CYP2J2: variants seen among roughly 807,000 people sequenced by gnomAD.
The protein encoded by CYP2J2 is cytochrome P450 family 2 subfamily J member 2, also known as cytochrome P450 2J2.
CYP2J2 carries 41 observed loss-of-function variants against 48.8 expected under a neutral mutation model. The observed-to-expected ratio is 0.84, with a 90% confidence interval of 0.66 to 1.09. The LOEUF (loss-of-function observed/expected upper bound fraction) is 1.09. Among genes scored for constraint, CYP2J2 ranks in the 50% least tolerant of loss-of-function variants. CYP2J2 has a pLI of 0.00. For synonymous variants in CYP2J2, 221 were observed against 227.1 expected (o/e 0.97, Z 0.24); for missense variants, 644 against 617.3 (o/e 1.04, Z -0.46).
At chr1:59,900,387 C>A (rs994451575) in intron 8 of CYP2J2, among the ~76,000 whole-genome samples, 3 of 152,208 alleles carry the variant, frequency 2.0e-5, no homozygotes, top group African/African-American at 7.2e-5. Flanking sequence ...AGCACTTTGG[C>A]TTTGGGAGGC....
the CYP2J2 span, among the ~76,000 whole-genome samples, chr1:59,942,103 T>G: frequency 6.6e-6 from 1 of 152,170 alleles, no homozygotes; most frequent in Non-Finnish European, 1.5e-5. Context: ...CCACATTTTT[T>G]GTGAAACTTA....
intron 7 of CYP2J2, chr1:59,904,628 C>T (rs1306048095): frequency 4.4e-6 from 2 of 452,146 alleles, no homozygotes; most frequent in South Asian, 2.8e-5. Flanking sequence ...CTGAGAGGCC[C>T]CACAGGAAAG....
At chr1:59,957,966 C>T in the CYP2J2 span, among the ~76,000 whole-genome samples, 1 of 152,154 alleles carries the variant, frequency 6.6e-6, no homozygotes, top group Admixed American at 6.5e-5. Context: ...TGAATACTGT[C>T]TTGGCACACT....
intron 1 of CYP2J2, among the ~76,000 whole-genome samples, chr1:59,925,766 C>A (rs546807653): frequency 7.9e-5 from 12 of 152,238 alleles, no homozygotes; most frequent in African/African-American, 2.6e-4. Context: ...TGTTATGTAC[C>A]AACTATATGT....
chr1:59,917,549 T>C (rs1053161943), intron 1 of CYP2J2, among the ~76,000 whole-genome samples: 2 of 152,142 alleles, frequency 1.3e-5, no homozygotes, highest in South Asian at 2.1e-4. Flanking sequence ...GAGCCCAAGA[T>C]GGCTCCAGAA....
intron 8 of CYP2J2, 85 bp from the exon 9 acceptor site, chr1:59,893,914 A>G (rs1475994555): frequency 2.2e-6 from 3 of 1,358,674 alleles, no homozygotes; most frequent in South Asian, 1.6e-5. Flanking sequence ...CATATCCCCA[A>G]AAAAATGGAG....
the CYP2J2 span, among the ~76,000 whole-genome samples, chr1:59,945,434 CTA>C: frequency 2.1e-5 from 3 of 143,528 alleles, no homozygotes; most frequent in Admixed American, 6.9e-5. Flanking sequence ...ATCTATCTAT[CTA>C]TCTATCTCTC....
At chr1:59,930,916 A>C (rs930129786), upstream of CYP2J2, among the ~76,000 whole-genome samples, 1 of 152,184 alleles carries the variant, frequency 6.6e-6, no homozygotes, top group East Asian at 1.9e-4. Flanking sequence ...CAATCATAAA[A>C]GATGGCATAA....
intron 1 of CYP2J2, among the ~76,000 whole-genome samples, chr1:59,919,230 T>A (rs1191599630): frequency 6.6e-6 from 1 of 152,246 alleles, no homozygotes; most frequent in East Asian, 1.9e-4. Flanking sequence ...TGTCCCTCAA[T>A]CTGGATGTTG....
chr1:59,911,528 A>T (rs1442164256), intron 4 of CYP2J2, 80 bp downstream of exon 4: 1 of 1,095,274 alleles, frequency 9.1e-7, no homozygotes, highest in Non-Finnish European at 1.3e-6. Context: ...AACCCAAAAA[A>T]AACTAAAAGG....
At chr1:59,916,304 A>T (rs1644465529) in intron 1 of CYP2J2, among the ~76,000 whole-genome samples, 1 of 152,088 alleles carries the variant, frequency 6.6e-6, no homozygotes, top group East Asian at 1.9e-4. Flanking sequence ...TTCTCTCAAC[A>T]AGGCTCAGAT....
chr1:59,909,800 A>T lies in CYP2J2; in HGVS notation c.845T>A (p.Leu282His). The change falls in exon 5 of 9, where the codon CTT becomes CAT. Residue 282 changes from leucine to histidine, a missense_variant. Coordinates refer to ENST00000371204, the MANE Select transcript of CYP2J2 (RefSeq NM_000775.4). ...TTTTCTCACCTTTGACATTTCTTTA[A>T]GGTAAGCATCAATAAAGTCTCTTGT... ...AETRDFIDAY[L>H]KEMSKHTGNP... 6.3e-7 allele frequency: 1 copy of T among 1,584,084 alleles called. No homozygotes were observed. The highest frequency in any genetic ancestry group is 8.5e-7 in the Non-Finnish European group (1 of 1,170,822).
At chr1:59,960,296 C>G in the CYP2J2 span, among the ~76,000 whole-genome samples, 1 of 152,106 alleles carries the variant, frequency 6.6e-6, no homozygotes, top group Non-Finnish European at 1.5e-5. Flanking sequence ...GGAATAAGAC[C>G]AATGCTATAG....
rs774953352 is a variant in CYP2J2, at chr1:59,905,023, G to A, written c.1039C>T (p.Gln347Ter). 1.9e-6 allele frequency: 3 copies of A among 1,613,678 alleles called. No individual in the cohort carries two copies. The highest frequency in any genetic ancestry group is 2.2e-5 in the East Asian group (1 of 44,838). ...VQAEIDRVIG[Q>*]GQQPSTAARE... The stretch of plus-strand genomic sequence containing the variant: ...GCGGCTGTGCTCGGCTGCTGCCCCT[G>A]GCCAATCACTCTGTCAATCTCAGCT... Residue 347 changes from glutamine (Q) to a stop codon, truncating the protein, a stop_gained, in exon 7 of 9, where the codon CAG becomes TAG. Transcript: ENST00000371204. LOFTEE classifies it high-confidence loss of function.
intron 7 of CYP2J2, among the ~76,000 whole-genome samples, chr1:59,902,896 A>G (rs1236675744): frequency 2.0e-5 from 3 of 152,174 alleles, no homozygotes; most frequent in Non-Finnish European, 4.4e-5. Flanking sequence ...GAGGAGGCAG[A>G]GCCATGATTT....
At chr1:59,906,500 A>T (rs1243534625) in intron 6 of CYP2J2, among the ~76,000 whole-genome samples, 1 of 151,952 alleles carries the variant, frequency 6.6e-6, no homozygotes, top group Non-Finnish European at 1.5e-5. Flanking sequence ...TTTGTAAAAC[A>T]TCTTATTTGG....
chr1:59,934,985 A>T, the CYP2J2 span, among the ~76,000 whole-genome samples: 2 of 94,034 alleles, frequency 2.1e-5, no homozygotes, highest in East Asian at 3.7e-4. Context: ...TAAAAAGAAA[A>T]TGGGATATAT....
chr1:59,952,627 G>A, the CYP2J2 span, among the ~76,000 whole-genome samples: 1 of 152,148 alleles, frequency 6.6e-6, no homozygotes, highest in South Asian at 2.1e-4. Context: ...GACAACTCCA[G>A]AATAAAGACT....
chr1:59,905,094 CT>C, intron 6 of CYP2J2, 36 bp from the exon 7 acceptor site: 1 of 1,587,888 alleles, frequency 6.3e-7, no homozygotes, highest in Non-Finnish European at 8.5e-7. Flanking sequence ...ATTTTTTAAA[CT>C]TTTATGCTTT....
Sources: allele counts gnomAD v4.1 joint callset (sites outside exome capture counted in the v4.1 genomes callset), GRCh38; gene constraint gnomAD v4.1.1; transcripts MANE v1.5; gene names NCBI Gene and HGNC (gene_info 2026-07-23, HGNC 2026-07-21).